TUB: variants seen among roughly 807,000 people sequenced by gnomAD.
The protein encoded by TUB is tubby protein homolog.
TUB carries 33 observed loss-of-function variants against 59.7 expected under a neutral mutation model. The ratio of observed to expected loss-of-function variants is 0.55; its 90% CI spans 0.42 to 0.74. The LOEUF (loss-of-function observed/expected upper bound fraction) is 0.74. TUB is among the 30% of genes least tolerant of loss of function. The pLI, the probability that TUB is intolerant of heterozygous loss-of-function variation, is 0.00. For missense variants in TUB, 659 were observed against 672.0 expected, an observed-to-expected ratio of 0.98 and a Z score of 0.21; for synonymous variants, 293 against 256.4, an observed-to-expected ratio of 1.14 and a Z score of -1.36.
chr11:8,095,027 T>C (rs1465499914), intron 4 of TUB, among the ~76,000 whole-genome samples: 2 of 152,212 alleles, frequency 1.3e-5, no homozygotes, highest in East Asian at 3.8e-4. Context: ...AATTGCAATC[T>C]TTCTCAAGGG....
chr11:8,039,791 A>G (rs775739467), intron 2 of TUB: 140 of 1,017,092 alleles, frequency 1.4e-4, no homozygotes, highest in Non-Finnish European at 4.9e-5. Context: ...CTCAGGGGCC[A>G]TGAACCCCAT....
At chr11:8,036,091 G>A (rs576261901), upstream of TUB, 1 of 152,214 alleles carries the variant, frequency 6.6e-6, no homozygotes, top group Non-Finnish European at 1.5e-5. Flanking sequence ...AGAAAGATCA[G>A]TGTTGAAGGG....
In TUB at chr11:8,096,718, A is replaced by G. The variant is rs768221639; in HGVS notation, c.599A>G (p.Glu200Gly). The G allele has an allele frequency of 1.9e-6, 3 of 1,613,272 alleles. No homozygotes were observed. The highest frequency in any genetic ancestry group is 2.2e-5 in the South Asian group (2 of 91,020). The change falls in exon 6 of 12, where the codon GAG becomes GGG. Residue 200 changes from glutamate to glycine, a missense_variant. Transcript: ENST00000299506. ...ISSSMSFDEDEEDEEENSSSS... is the reference protein window; with the variant it reads ...ISSSMSFDEDGEDEEENSSSS... ...AGCAGCATGAGCTTTGACGAGGATG[A>G]GGAGGATGAGGAGGAGAATAGCTCC...
At chr11:8,026,607 G>T (rs993503460) in intron 1 of TUB, among the ~76,000 whole-genome samples, 1 of 151,990 alleles carries the variant, frequency 6.6e-6, no homozygotes, top group African/African-American at 2.4e-5. Context: ...TCTCTACTCT[G>T]TTATCTTGAT....
chr11:8,073,984 G>A (rs1422449157), intron 2 of TUB, among the ~76,000 whole-genome samples: 5 of 152,186 alleles, frequency 3.3e-5, no homozygotes, highest in Non-Finnish European at 7.3e-5. Context: ...GCTAAGAATT[G>A]CAGGTGTTTC....
At position 8,021,488 on chromosome 11, in the gene TUB, A is replaced by T. The variant is rs144623090; in HGVS notation, c.56+2130A>T. On this transcript the variant is annotated intron_variant, in intron 1 of 11. Coordinates refer to the TUB transcript ENST00000534099. ...CTGTCTCAAAAAATAAAAATAAATA[A>T]ATGAGGTAATAAATATAAAGGGCCT... Among the ~76,000 whole-genome samples, 8 of 152,070 alleles carry T rather than the reference A, an allele frequency of 5.3e-5. No homozygotes were observed. In the East Asian group the frequency reaches 1.6e-3, roughly 29 times the overall value.
intron 5 of TUB, 128 bp from the exon 6 acceptor site, chr11:8,096,557 G>T: frequency 2.8e-6 from 2 of 716,354 alleles, no homozygotes; most frequent in Non-Finnish European, 5.1e-6. Context: ...ATATGGCTAA[G>T]AGTGTGTGCA....
upstream of TUB, chr11:8,076,614 T>C (rs1188677338): frequency 6.6e-6 from 1 of 152,144 alleles, no homozygotes. Context: ...ATCCTCCCAT[T>C]GCCATATTTG....
upstream of TUB, among the ~76,000 whole-genome samples, chr11:8,035,100 A>T (rs1443640725): frequency 6.6e-6 from 1 of 152,206 alleles, no homozygotes; most frequent in Non-Finnish European, 1.5e-5. Flanking sequence ...AAAGACATTG[A>T]CCTCAAGTGC....
chr11:8,036,375 C>T (rs908216541), upstream of TUB, among the ~76,000 whole-genome samples: 1 of 152,204 alleles, frequency 6.6e-6, no homozygotes, highest in Non-Finnish European at 1.5e-5. Flanking sequence ...TCCTGTTCCT[C>T]CTATGCACTC....
intron 4 of TUB, 31 bp from the exon 5 acceptor site, chr11:8,095,467 G>C (rs779599246): frequency 2.5e-6 from 4 of 1,581,232 alleles, no homozygotes; most frequent in Admixed American, 3.4e-5. Flanking sequence ...CCTCCTCCTG[G>C]ATGTAACTCA....
chr11:8,053,853 C>T lies in TUB; in HGVS notation c.203+14161C>T, dbSNP rs567468404. On this transcript the variant is annotated intron_variant, in intron 2 of 12. Coordinates refer to the TUB transcript ENST00000305253. Reference sequence around the variant, plus strand: ...ATACTTGGCCGGGCGCAGTGGCTCACGCCTGTAATCCCAGCACTTTGGGAG... The same window carrying T: ...ATACTTGGCCGGGCGCAGTGGCTCATGCCTGTAATCCCAGCACTTTGGGAG... Among the ~76,000 whole-genome samples the T allele has an allele frequency of 8.0e-5, 12 of 150,098 alleles. No homozygotes were observed. The South Asian group carries it at 2.4e-3, about 29-fold the overall frequency.
Position 8,097,598 on chromosome 11 carries a change from T to C in TUB, c.886-116T>C, listed in dbSNP as rs17847544. ...GTGTTTTCCAGTGCATTTGTGTGTG[T>C]GCACATATGTGCGTTTGGGAGCTGA... On this transcript the variant is annotated intron_variant, in intron 7 of 11. Transcript: ENST00000299506. The C allele has an allele frequency of 3.7e-4, 477 of 1,281,382 alleles. 2 individuals are homozygous for C. The East Asian group carries it at 0.011, about 29-fold the overall frequency. 79.4% of individuals were successfully genotyped at this position (1,281,382 alleles called of 1,614,324 possible). A position where few individuals can be genotyped will look rare whatever the true frequency, so the allele number is the denominator to read the frequency against.
In TUB at chr11:8,038,766, G is replaced by T. The variant is rs570342016; in HGVS notation, c.-108G>T. On this transcript the variant is annotated 5_prime_UTR_variant, in exon 1 of 13. Transcript: ENST00000305253. ...CGGTGATGAAGGGAGACATCCAAGT[G>T]CTGGTTTCAGTACTGAGGCGAATAC... 97 of 1,512,926 alleles carry T rather than the reference G, an allele frequency of 6.4e-5. No individual in the cohort carries two copies. The African/African-American group carries it at 1.0e-3, about 16-fold the overall frequency. 93.7% of individuals were successfully genotyped at this position (1,512,926 alleles called of 1,614,324 possible).
intron 2 of TUB, chr11:8,068,894 T>C (rs1239845215): frequency 6.6e-6 from 1 of 152,112 alleles, no homozygotes; most frequent in Non-Finnish European, 1.5e-5. Flanking sequence ...CGAGCCTCAG[T>C]ACTGAAATGA....
intron 2 of TUB, among the ~76,000 whole-genome samples, chr11:8,074,871 C>T (rs1380506946): frequency 6.7e-6 from 1 of 148,870 alleles, no homozygotes; most frequent in Admixed American, 6.8e-5. Context: ...CTCAGCCTCC[C>T]AAGTAGCTGG....
rs529676584 is a variant in TUB at position 8,101,911 on chromosome 11, C to G, written c.*292C>G. On this transcript the variant is annotated 3_prime_UTR_variant, in exon 12 of 12. Transcript: ENST00000299506. The stretch of plus-strand genomic sequence containing the variant: ...GGGGTAGTAGTGTGTTGTAGTCGTA[C>G]TTACCAAGCTGAGCAACCTCTTCAG... 36 of 387,260 alleles carry G rather than the reference C, an allele frequency of 9.3e-5. No homozygotes were observed. The East Asian group carries it at 1.6e-3, about 17-fold the overall frequency. 24.0% of individuals were successfully genotyped at this position (387,260 alleles called of 1,614,324 possible).
At chr11:8,042,349 A>T (rs1942765283) in intron 2 of TUB, among the ~76,000 whole-genome samples, 1 of 152,236 alleles carries the variant, frequency 6.6e-6, no homozygotes, top group Non-Finnish European at 1.5e-5. Flanking sequence ...TTGTATGGAT[A>T]TACCACATTT....
Position 8,092,896 on chromosome 11 carries a change from A to G in TUB, c.254-1150A>G, listed in dbSNP as rs1365388554. Among the ~76,000 whole-genome samples the G allele has an allele frequency of 2.0e-5, 3 of 152,166 alleles. No homozygotes were observed. In the South Asian group the frequency reaches 6.2e-4, roughly 32 times the overall value. The stretch of plus-strand genomic sequence containing the variant: ...CAAGAGGAAAAGGAGGGAGTCTGAT[A>G]CACATCAGACCTCACAGTTTATCCT... On this transcript the variant is annotated intron_variant, in intron 3 of 11. Coordinates refer to ENST00000299506, the MANE Select transcript of TUB (RefSeq NM_177972.3).
Sources: gnomAD v4.1 joint callset for allele counts (sites outside exome capture counted in the v4.1 genomes callset) on GRCh38, gnomAD v4.1.1 for gene constraint, MANE v1.5 for transcripts, NCBI Gene and HGNC (gene_info 2026-07-23, HGNC 2026-07-21) for gene names.